The following OVCH1 variants were observed in gnomAD, a reference collection of about 807,000 sequenced individuals.
OVCH1 encodes ovochymase-1.
In OVCH1, 139 loss-of-function variants were observed where a neutral mutation model predicts 138.4. The observed-to-expected ratio is 1.00, with a 90% CI of 0.87 to 1.16. OVCH1 has a LOEUF of 1.16. Ranked by LOEUF, OVCH1 falls within the 50% of genes most tolerant of loss-of-function variation. The probability of loss-of-function intolerance (pLI) is 0.00; values close to 1 mark genes in which losing one functional copy is unlikely to be tolerated. For missense variants in OVCH1, 1,367 were observed against 1,357.9 expected, an observed-to-expected ratio of 1.01 and a Z score of -0.11; for synonymous variants, 453 against 467.8, an observed-to-expected ratio of 0.97 and a Z score of 0.41.
intron 16 of OVCH1, among the ~76,000 whole-genome samples, chr12:29,469,362 G>T (rs1264589870): frequency 6.6e-6 from 1 of 152,018 alleles, no homozygotes; most frequent in African/African-American, 2.4e-5. Flanking sequence ...GGGACATAGG[G>T]ATGTTCTACA....
downstream of OVCH1, chr12:29,427,435 G>A: frequency 8.2e-7 from 1 of 1,213,246 alleles, no homozygotes; most frequent in Non-Finnish European, 1.1e-6. Context: ...GTTAAGGAAG[G>A]CTATTTAGAT....
chr12:29,496,435 T>C (rs1943418908), intron 2 of OVCH1, 121 bp downstream of exon 2: 2 of 1,135,030 alleles, frequency 1.8e-6, no homozygotes, highest in Non-Finnish European at 2.5e-6. Context: ...GTAAACTTTT[T>C]GGTAGAGAGC....
At chr12:29,446,438 G>A (rs909515864) in intron 22 of OVCH1, among the ~76,000 whole-genome samples, 1 of 152,008 alleles carries the variant, frequency 6.6e-6, no homozygotes, top group Non-Finnish European at 1.5e-5. Context: ...AAGAAATATA[G>A]CATTTTATAG....
At position 29,465,223 on chromosome 12, in the gene OVCH1, G is replaced by A. The variant is rs775575199; in HGVS notation, c.1857-4C>T. ...CCAGGAGAGTGGATTATTCTTCCTGGAGACAGAAGAACAGTGAAAGTTTGA... is the reference window on the plus strand; with the variant it reads ...CCAGGAGAGTGGATTATTCTTCCTGAAGACAGAAGAACAGTGAAAGTTTGA... On this transcript the variant is annotated splice_region_variant and splice_polypyrimidine_tract_variant and intron_variant, in intron 16 of 27. Coordinates refer to ENST00000318184, the Ensembl canonical transcript of OVCH1. 3.8e-6 allele frequency: 6 copies of A among 1,589,310 alleles called. No individual in the cohort carries two copies. The South Asian group carries it at 6.9e-5, about 18-fold the overall frequency.
intron 25 of OVCH1, among the ~76,000 whole-genome samples, chr12:29,441,283 T>C (rs1440403117): frequency 6.6e-6 from 1 of 152,246 alleles, no homozygotes; most frequent in African/African-American, 2.4e-5. Context: ...TATAGATCAA[T>C]GGAACAGAAC....
intron 9 of OVCH1, among the ~76,000 whole-genome samples, chr12:29,477,931 G>T (rs1254747895): frequency 6.6e-6 from 1 of 152,136 alleles, no homozygotes; most frequent in Non-Finnish European, 1.5e-5. Flanking sequence ...ACAAATGATT[G>T]GTTGAAAGAA....
Position 29,476,445 on chromosome 12 carries a change from G to A in OVCH1, c.1378-146C>T, listed in dbSNP as rs879920009. 5.7e-5 allele frequency: 39 copies of A among 689,326 alleles called. No individual in the cohort carries two copies. The Admixed American group carries it at 6.8e-4, about 12-fold the overall frequency. The allele number at this position is 689,326 out of a possible 1,614,324, so 42.7% of individuals were successfully genotyped here. A position where few individuals can be genotyped will look rare whatever the true frequency, so the allele number is the denominator to read the frequency against. ...TGTAAATAATTGCAGTCTCTTTGAA[G>A]GGCAATTTGGCAACGACTACCAGGT... On this transcript the variant is annotated intron_variant, in intron 12 of 27. Coordinates refer to ENST00000318184, the Ensembl canonical transcript of OVCH1.
chr12:29,404,108 G>A, the OVCH1 span, among the ~76,000 whole-genome samples: 3 of 152,186 alleles, frequency 2.0e-5, no homozygotes, highest in Admixed American at 6.5e-5. Context: ...TCATTTTTCA[G>A]GTGTACTGTT....
chr12:29,430,007 A>G (rs1941242076), intron 27 of OVCH1, among the ~76,000 whole-genome samples: 1 of 152,098 alleles, frequency 6.6e-6, no homozygotes, highest in South Asian at 2.1e-4. Context: ...CAAACTGTAA[A>G]TCCATTAAGT....
intron 27 of OVCH1, chr12:29,433,679 T>C: frequency 7.3e-7 from 1 of 1,360,862 alleles, no homozygotes; most frequent in Non-Finnish European, 9.7e-7. Flanking sequence ...AATTTGTTGG[T>C]GGTCTGAATA....
At chr12:29,411,382 C>T (rs1206522809), downstream of OVCH1, among the ~76,000 whole-genome samples, 3 of 151,534 alleles carry the variant, frequency 2.0e-5, no homozygotes, top group African/African-American at 7.3e-5. Flanking sequence ...AGGTGCTCTG[C>T]TTTTTAGAGT....
chr12:29,404,293 C>G, the OVCH1 span, among the ~76,000 whole-genome samples: 2 of 152,148 alleles, frequency 1.3e-5, no homozygotes, highest in Admixed American at 6.5e-5. Context: ...CAAGCTTGTA[C>G]TTCCCATGCC....
In OVCH1 at chr12:29,450,473, C is replaced by G. The variant is rs572629583; in HGVS notation, c.2755+872G>C. ...AATTAAAACCACAATAAGATACCAT[C>G]TCACTCCAGTTAGAATGGCGATTAT... On this transcript the variant is annotated intron_variant, in intron 22 of 27. Coordinates refer to ENST00000318184, the Ensembl canonical transcript of OVCH1. Among the ~76,000 whole-genome samples the G allele has an allele frequency of 1.7e-4, 26 of 152,190 alleles. 1 individual carries two copies. The highest frequency in any genetic ancestry group is 3.5e-4 in the Non-Finnish European group (24 of 68,034).
At chr12:29,466,378 G>T (rs1261932615) in intron 16 of OVCH1, among the ~76,000 whole-genome samples, 1 of 151,724 alleles carries the variant, frequency 6.6e-6, no homozygotes, top group African/African-American at 2.4e-5. Flanking sequence ...AAGAAAAAAA[G>T]AATATGTTTA....
chr12:29,408,270 T>C (rs2135861906), downstream of OVCH1, among the ~76,000 whole-genome samples: 1 of 127,190 alleles, frequency 7.9e-6, no homozygotes, highest in East Asian at 2.2e-4. Flanking sequence ...CAATTTGACT[T>C]CCTCTTTTCC....
At chr12:29,451,716 C>G in intron 21 of OVCH1, 147 bp from the exon 22 acceptor site, 1 of 627,604 alleles carries the variant, frequency 1.6e-6, no homozygotes, top group Non-Finnish European at 2.8e-6. Context: ...TGTTAGAAAA[C>G]CATTCTATTT....
At chr12:29,406,571 T>C in the OVCH1 span, among the ~76,000 whole-genome samples, 1 of 151,898 alleles carries the variant, frequency 6.6e-6, no homozygotes, top group African/African-American at 2.4e-5. Flanking sequence ...TTTTTTGTTC[T>C]TGTGATAGTT....
Position 29,485,412 on chromosome 12 carries a change from G to A in OVCH1, c.995+834C>T, listed in dbSNP as rs377626839. On this transcript the variant is annotated intron_variant, in intron 8 of 27. Coordinates refer to ENST00000318184, the Ensembl canonical transcript of OVCH1. The stretch of plus-strand genomic sequence containing the variant: ...CACCAGCACTTTGGGAGGCCGAGGC[G>A]GGTGGATCATCTGAGGTCAGGAGTT... Among the ~76,000 whole-genome samples the A allele has an allele frequency of 1.9e-4, 29 of 151,950 alleles. No individual in the cohort carries two copies. In the South Asian group the frequency reaches 4.4e-3, roughly 23 times the overall value.
intron 16 of OVCH1, among the ~76,000 whole-genome samples, chr12:29,467,135 T>C (rs763968023): frequency 2.0e-5 from 3 of 152,164 alleles, no homozygotes; most frequent in Admixed American, 1.3e-4. Flanking sequence ...ATTATCATTC[T>C]TATTATCTGC....
Sources: allele counts gnomAD v4.1 joint callset (sites outside exome capture counted in the v4.1 genomes callset), GRCh38; gene constraint gnomAD v4.1.1; transcripts MANE v1.5; gene names NCBI Gene and HGNC (gene_info 2026-07-23, HGNC 2026-07-21).